Variants in PLOD2 observed in about 807,000 individuals in gnomAD.
PLOD2 encodes procollagen-lysine,2-oxoglutarate 5-dioxygenase 2.
A neutral mutation model predicts 101.0 loss-of-function variants in PLOD2; 65 were observed. That is an observed-to-expected ratio of 0.64 (90% CI 0.53 to 0.79). The LOEUF (loss-of-function observed/expected upper bound fraction) is 0.79. Ranked by LOEUF, PLOD2 falls within the 30% of genes least tolerant of loss-of-function variation. The pLI, the probability that PLOD2 is intolerant of heterozygous loss-of-function variation, is 0.00. For synonymous variants in PLOD2, 314 were observed against 302.9 expected (o/e 1.04, Z -0.38); for missense variants, 909 against 914.6 (o/e 0.99, Z 0.08).
chr3:146,104,395 A>G, intron 5 of PLOD2, 53 bp from the exon 6 acceptor site: 1 of 872,482 alleles, frequency 1.1e-6, no homozygotes, highest in Admixed American at 1.7e-5. Flanking sequence ...AACAGCAAAC[A>G]TTCCTATCAT....
intron 11 of PLOD2, among the ~76,000 whole-genome samples, chr3:146,084,862 T>C (rs991607201): frequency 8.5e-5 from 13 of 152,112 alleles, no homozygotes; most frequent in African/African-American, 2.9e-4. Flanking sequence ...AAAATATCTA[T>C]AGAGAATAAA....
chr3:146,160,900 C>A lies in PLOD2; in HGVS notation c.90G>T (p.Lys30Asn). ...GCTCACCTGTGGGGATGCTCGAGGG[C>A]TTCTCCGAGTCCGCACCCAGACAGG... Reference protein sequence around the residue: ...WNPCLGADSEKPSSIPTDKLL... With the variant: ...WNPCLGADSENPSSIPTDKLL... Residue 30 changes from lysine (K) to asparagine (N), a missense_variant, in exon 1 of 20, where the codon AAG becomes AAT. Coordinates refer to ENST00000282903, the MANE Select transcript of PLOD2 (RefSeq NM_182943.3). 6.3e-7 allele frequency: 1 copy of A among 1,586,574 alleles called. No homozygotes were observed. The highest frequency in any genetic ancestry group is 1.8e-5 in the Admixed American group (1 of 56,852).
chr3:146,094,482 C>G (rs1937081043), intron 7 of PLOD2, among the ~76,000 whole-genome samples: 1 of 152,098 alleles, frequency 6.6e-6, no homozygotes, highest in African/African-American at 2.4e-5. Flanking sequence ...CTTCCATTCA[C>G]AACTGCTACA....
At chr3:146,133,068 T>C (rs903050508) in intron 1 of PLOD2, among the ~76,000 whole-genome samples, 1 of 151,930 alleles carries the variant, frequency 6.6e-6, no homozygotes, top group African/African-American at 2.4e-5. Context: ...CCCAGCTACT[T>C]GGGAAGCTGA....
chr3:146,093,215 C>T (rs1402979687), intron 7 of PLOD2, among the ~76,000 whole-genome samples: 4 of 152,154 alleles, frequency 2.6e-5, no homozygotes, highest in African/African-American at 7.2e-5. Flanking sequence ...CTGAAACAAA[C>T]ACTGCTGAAA....
intron 1 of PLOD2, among the ~76,000 whole-genome samples, chr3:146,134,767 A>G (rs1381804517): frequency 6.6e-6 from 1 of 152,228 alleles, no homozygotes; most frequent in Non-Finnish European, 1.5e-5. Context: ...GAATAAGGAG[A>G]GTTGCCCTGG....
chr3:146,090,327 T>C (rs1175007920), intron 8 of PLOD2, among the ~76,000 whole-genome samples: 1 of 151,546 alleles, frequency 6.6e-6, no homozygotes, highest in Non-Finnish European at 1.5e-5. Context: ...TTATTATGCA[T>C]AATGGAATGA....
intron 1 of PLOD2, among the ~76,000 whole-genome samples, chr3:146,148,880 A>C (rs180770686): frequency 6.6e-6 from 1 of 152,314 alleles, no homozygotes; most frequent in Admixed American, 6.5e-5. Flanking sequence ...TGCACACTGG[A>C]CCATAGGCTG....
chr3:146,134,023 C>T (rs1275322580), intron 1 of PLOD2, among the ~76,000 whole-genome samples: 1 of 152,026 alleles, frequency 6.6e-6, no homozygotes, highest in Non-Finnish European at 1.5e-5. Flanking sequence ...CTAGCAATCA[C>T]ATCATTACTG....
At chr3:146,110,242 C>G in intron 4 of PLOD2, 43 bp downstream of exon 4, 1 of 1,568,420 alleles carries the variant, frequency 6.4e-7, no homozygotes, top group Non-Finnish European at 8.8e-7. Flanking sequence ...TTTCATTAGT[C>G]TTTATAACTT....
intron 3 of PLOD2, among the ~76,000 whole-genome samples, chr3:146,117,347 G>T (rs188472444): frequency 1.3e-5 from 2 of 152,062 alleles, no homozygotes; most frequent in Non-Finnish European, 2.9e-5. Flanking sequence ...TAAGAGTTTA[G>T]GAATTGTGTT....
intron 7 of PLOD2, among the ~76,000 whole-genome samples, chr3:146,099,940 T>C (rs1317617805): frequency 6.8e-6 from 1 of 148,060 alleles, no homozygotes; most frequent in Non-Finnish European, 1.5e-5. Context: ...TGGAGAGTAA[T>C]GGCGTGATCT....
At chr3:146,108,815 A>T (rs1937579121) in intron 4 of PLOD2, among the ~76,000 whole-genome samples, 1 of 152,204 alleles carries the variant, frequency 6.6e-6, no homozygotes, top group Non-Finnish European at 1.5e-5. Context: ...AATTTACGAG[A>T]TTTCACTATG....
rs1370419647 is a variant in PLOD2, at chr3:146,073,335, A to G, written c.1695T>C (p.Tyr565=). The change falls in exon 16 of 20, where the codon TAT becomes TAC. Residue 565 remains tyrosine, a synonymous_variant. Coordinates refer to ENST00000282903, the MANE Select transcript of PLOD2 (RefSeq NM_182943.3). ...AAATCTTTGAATAATCACGGTTTAT[A>G]TACTTTTCCTTCCAGTCCTATAAAA... is the stretch of plus-strand genomic sequence containing the variant. ...FENPVDWKEK[Y]INRDYSKIFT... 1.2e-5 allele frequency: 14 copies of G among 1,212,926 alleles called. No individual in the cohort carries two copies. The highest frequency in any genetic ancestry group is 1.7e-5 in the Non-Finnish European group (14 of 836,832). 75.1% of individuals were successfully genotyped at this position (1,212,926 alleles called of 1,614,324 possible).
intron 7 of PLOD2, among the ~76,000 whole-genome samples, chr3:146,100,039 C>A (rs1576593537): frequency 6.6e-6 from 1 of 151,970 alleles, no homozygotes; most frequent in Admixed American, 6.6e-5. Flanking sequence ...GTGCCACCAA[C>A]CCCGGCTAAT....
chr3:146,090,272 AT>A (rs1404098221), intron 8 of PLOD2, among the ~76,000 whole-genome samples: 1 of 151,400 alleles, frequency 6.6e-6, no homozygotes, highest in Admixed American at 6.6e-5. Flanking sequence ...CACAATTTTA[AT>A]TTTTATATCC....
chr3:146,158,988 C>A (rs10935607), intron 1 of PLOD2, among the ~76,000 whole-genome samples: 4 of 151,566 alleles, frequency 2.6e-5, no homozygotes, highest in African/African-American at 9.7e-5. Flanking sequence ...TCAGTTGAAA[C>A]TTGTAAAGAA....
intron 17 of PLOD2, 122 bp downstream of exon 17, chr3:146,072,439 C>A: frequency 1.4e-6 from 1 of 728,638 alleles, no homozygotes; most frequent in East Asian, 2.7e-5. Context: ...CTTGGCTAGC[C>A]AATTTATCTA....
At chr3:146,138,779 G>C (rs951684353) in intron 1 of PLOD2, among the ~76,000 whole-genome samples, 2 of 152,092 alleles carry the variant, frequency 1.3e-5, no homozygotes, top group African/African-American at 4.8e-5. Flanking sequence ...TGATATAATA[G>C]CTACTAAAAT....
Sources: gnomAD v4.1 joint callset for allele counts (sites outside exome capture counted in the v4.1 genomes callset) on GRCh38, gnomAD v4.1.1 for gene constraint, MANE v1.5 for transcripts, NCBI Gene and HGNC (gene_info 2026-07-23, HGNC 2026-07-21) for gene names.